Variants in SNX3 observed in about 807,000 individuals in gnomAD.
The protein encoded by SNX3 is sorting nexin-3.
A neutral mutation model predicts 17.7 loss-of-function variants in SNX3; 5 were observed. The ratio of observed to expected loss-of-function variants is 0.28; its 90% CI spans 0.15 to 0.59. The LOEUF is 0.59. Among genes scored for constraint, SNX3 ranks in the 20% least tolerant of loss-of-function variants. SNX3 has a pLI of 0.88. For synonymous variants in SNX3, 91 were observed against 76.5 expected, an observed-to-expected ratio of 1.19 and a Z score of -0.99; for missense variants, 132 against 206.8, an observed-to-expected ratio of 0.64 and a Z score of 2.22.
intron 1 of SNX3, among the ~76,000 whole-genome samples, chr6:108,251,134 CT>C (rs1436753600): frequency 6.6e-6 from 1 of 152,106 alleles, no homozygotes; most frequent in African/African-American, 2.4e-5. Flanking sequence ...AGGTATACCC[CT>C]ATCAGATATG....
chr6:108,219,832 T>C (rs924690326), intron 2 of SNX3, among the ~76,000 whole-genome samples: 1 of 152,200 alleles, frequency 6.6e-6, no homozygotes, highest in Non-Finnish European at 1.5e-5. Flanking sequence ...TAAAGCAATA[T>C]ACACTGCATA....
At chr6:108,220,937 T>G (rs1234148458) in intron 2 of SNX3, among the ~76,000 whole-genome samples, 2 of 151,758 alleles carry the variant, frequency 1.3e-5, no homozygotes, top group Non-Finnish European at 2.9e-5. Context: ...GCCGACATGA[T>G]GCCACTGCAC....
chr6:108,252,413 T>C (rs570316863), intron 1 of SNX3: 1 of 152,846 alleles, frequency 6.5e-6, no homozygotes, highest in East Asian at 1.9e-4. Context: ...CTATGGCCAT[T>C]CTATCCTGAA....
intron 1 of SNX3, among the ~76,000 whole-genome samples, chr6:108,247,051 A>C (rs977168970): frequency 6.6e-6 from 1 of 152,174 alleles, no homozygotes; most frequent in Non-Finnish European, 1.5e-5. Context: ...TGACCGTATC[A>C]TGGGGGCAGT....
At position 108,216,259 on chromosome 6, in the gene SNX3, T is replaced by A. The variant is rs12525052; in HGVS notation, c.259-1637A>T. Among the ~76,000 whole-genome samples the A allele has an allele frequency of 3.4e-3, 511 of 152,270 alleles. 12 individuals carry two copies. The East Asian group carries it at 0.049, about 15-fold the overall frequency. On this transcript the variant is annotated intron_variant, in intron 2 of 3. Transcript: ENST00000230085. ...CACGCCTGGCTAATTTTTCTATTTT[T>A]TGTGGAGATGGTGTTTCACTGTGTT... is the stretch of plus-strand genomic sequence containing the variant.
chr6:108,224,870 T>G (rs1238659317), intron 1 of SNX3, among the ~76,000 whole-genome samples: 1 of 152,180 alleles, frequency 6.6e-6, no homozygotes, highest in Non-Finnish European at 1.5e-5. Context: ...GTAAGAAAAT[T>G]TCTGGAGACT....
intron 1 of SNX3, among the ~76,000 whole-genome samples, chr6:108,245,106 C>T (rs1227533047): frequency 6.6e-6 from 1 of 152,030 alleles, no homozygotes; most frequent in African/African-American, 2.4e-5. Flanking sequence ...GCTCTCCCTC[C>T]CCTTGCCCCC....
chr6:108,217,215 A>T (rs575841400), intron 2 of SNX3, among the ~76,000 whole-genome samples: 2 of 150,972 alleles, frequency 1.3e-5, no homozygotes. Context: ...AAAATGTAAC[A>T]ATATATATAT....
intron 3 of SNX3, among the ~76,000 whole-genome samples, chr6:108,213,964 G>A (rs1287001174): frequency 1.3e-5 from 2 of 152,124 alleles, no homozygotes; most frequent in South Asian, 2.1e-4. Flanking sequence ...TATTTCAAAT[G>A]GGAATAAAAT....
chr6:108,253,360 C>T (rs1775925597), intron 1 of SNX3, among the ~76,000 whole-genome samples: 1 of 150,446 alleles, frequency 6.6e-6, no homozygotes, highest in Non-Finnish European at 1.5e-5. Context: ...AACCTGTCTC[C>T]AAAAAATTCC....
At chr6:108,214,258 T>C (rs1562417095) in intron 3 of SNX3, among the ~76,000 whole-genome samples, 1 of 152,220 alleles carries the variant, frequency 6.6e-6, no homozygotes, top group Non-Finnish European at 1.5e-5. Flanking sequence ...TTTGCATAAA[T>C]TAACCAAGAA....
At chr6:108,248,169 T>C (rs1775748617) in intron 1 of SNX3, among the ~76,000 whole-genome samples, 1 of 152,110 alleles carries the variant, frequency 6.6e-6, no homozygotes, top group Admixed American at 6.6e-5. Flanking sequence ...CCACACACAC[T>C]CCTGGCCCCT....
chr6:108,244,982 CA>C (rs1307150769), intron 1 of SNX3, among the ~76,000 whole-genome samples: 1 of 151,804 alleles, frequency 6.6e-6, no homozygotes, highest in South Asian at 2.1e-4. Context: ...GATACACGTG[CA>C]AAAAAACGTG....
chr6:108,258,595 G>A (rs1349752507), intron 1 of SNX3, among the ~76,000 whole-genome samples: 4 of 151,582 alleles, frequency 2.6e-5, no homozygotes, highest in Non-Finnish European at 5.9e-5. Context: ...CTGCAGCCTC[G>A]ACCTCCTGGG....
intron 1 of SNX3, among the ~76,000 whole-genome samples, chr6:108,249,690 C>T (rs9486839): frequency 0.072 from 10,896 of 152,052 alleles, 1,340 homozygotes; most frequent in African/African-American, 0.25. Flanking sequence ...TTGTGCCTGG[C>T]CTTAATATTA....
At chr6:108,236,378 ATTTTT>A (rs1184591793) in intron 1 of SNX3, among the ~76,000 whole-genome samples, 29 of 133,426 alleles carry the variant, frequency 2.2e-4, no homozygotes, top group East Asian at 1.7e-3. Flanking sequence ...TATTATTATT[ATTTTT>A]TTTTTTTTTT....
chr6:108,237,620 C>A (rs1775390249), intron 1 of SNX3, among the ~76,000 whole-genome samples: 1 of 151,922 alleles, frequency 6.6e-6, no homozygotes, highest in Non-Finnish European at 1.5e-5. Flanking sequence ...TGAAGCCCCA[C>A]CTCTACTAAA....
intron 3 of SNX3, among the ~76,000 whole-genome samples, 176 bp downstream of exon 3, chr6:108,214,322 T>G (rs1365796360): frequency 1.3e-5 from 2 of 152,220 alleles, no homozygotes; most frequent in Non-Finnish European, 2.9e-5. Context: ...ATCACTCAAA[T>G]GTGTTAATAT....
chr6:108,236,346 A>ATG (rs977018715), intron 1 of SNX3, among the ~76,000 whole-genome samples: 5 of 149,138 alleles, frequency 3.4e-5, no homozygotes, highest in African/African-American at 7.4e-5. Flanking sequence ...ATATATATAT[A>ATG]TAAAACAGTT....
Sources: gnomAD v4.1 joint callset for allele counts (sites outside exome capture counted in the v4.1 genomes callset) on GRCh38, gnomAD v4.1.1 for gene constraint, MANE v1.5 for transcripts, NCBI Gene and HGNC (gene_info 2026-07-23, HGNC 2026-07-21) for gene names.